Variants in GALNT13 observed in about 807,000 individuals in gnomAD.
GALNT13 encodes the protein UDP-GalNAc:polypeptide N-acetylgalactosaminyltransferase 13.
A neutral mutation model predicts 64.2 loss-of-function variants in GALNT13; 28 were observed. The ratio of observed to expected loss-of-function variants is 0.44; its 90% confidence interval spans 0.32 to 0.60. GALNT13 has a LOEUF of 0.60. GALNT13 is among the 20% of genes least tolerant of loss of function. The pLI is 0.05. For missense variants in GALNT13, 577 were observed against 669.8 expected, an observed-to-expected ratio of 0.86 and a Z score of 1.53; for synonymous variants, 214 against 224.6, an observed-to-expected ratio of 0.95 and a Z score of 0.42.
the GALNT13 span, among the ~76,000 whole-genome samples, chr2:153,620,091 C>T: frequency 6.6e-6 from 1 of 151,996 alleles, no homozygotes; most frequent in African/African-American, 2.4e-5. Context: ...CTTAGATTTT[C>T]CCTTTTGAGG....
chr2:153,508,261 C>T, the GALNT13 span, among the ~76,000 whole-genome samples: 2,951 of 152,218 alleles, frequency 0.019, 93 homozygotes, highest in African/African-American at 0.067. Flanking sequence ...GTGGGCAGGG[C>T]CATAGAGCTC....
chr2:153,564,073 C>A, the GALNT13 span, among the ~76,000 whole-genome samples: 1 of 151,932 alleles, frequency 6.6e-6, no homozygotes, highest in Non-Finnish European at 1.5e-5. Flanking sequence ...TCTACCCTAC[C>A]CTATCTTTGT....
the GALNT13 span, among the ~76,000 whole-genome samples, chr2:153,254,026 T>C: frequency 6.6e-6 from 1 of 152,222 alleles, no homozygotes; most frequent in South Asian, 2.1e-4. Context: ...TTGATTGGAA[T>C]AATTTCAGAA....
chr2:153,521,539 A>G, the GALNT13 span, among the ~76,000 whole-genome samples: 1,647 of 152,242 alleles, frequency 0.011, 26 homozygotes, highest in African/African-American at 0.037. Flanking sequence ...ACAATGACAC[A>G]TCATTATCAC....
the GALNT13 span, among the ~76,000 whole-genome samples, chr2:153,813,240 A>G: frequency 1.3e-5 from 2 of 152,212 alleles, no homozygotes; most frequent in African/African-American, 2.4e-5. Context: ...TTTGGGGAAG[A>G]GTGAACGAGT....
intron 2 of GALNT13, among the ~76,000 whole-genome samples, chr2:153,936,732 T>C (rs1208984430): frequency 6.6e-6 from 1 of 152,108 alleles, no homozygotes; most frequent in Non-Finnish European, 1.5e-5. Context: ...TTTAATTTTT[T>C]TTTTTTTTGA....
At chr2:153,606,350 T>C in the GALNT13 span, among the ~76,000 whole-genome samples, 2 of 152,092 alleles carry the variant, frequency 1.3e-5, no homozygotes, top group Non-Finnish European at 1.5e-5. Context: ...ATAGACTTCA[T>C]GAGAACTCTG....
At chr2:153,733,563 A>C in the GALNT13 span, among the ~76,000 whole-genome samples, 1 of 152,148 alleles carries the variant, frequency 6.6e-6, no homozygotes, top group Non-Finnish European at 1.5e-5. Flanking sequence ...TTTCATGATG[A>C]ACTCTCTATA....
intron 3 of GALNT13, among the ~76,000 whole-genome samples, chr2:154,117,769 G>A (rs1558967677): frequency 1.3e-5 from 2 of 152,136 alleles, no homozygotes; most frequent in Non-Finnish European, 2.9e-5. Flanking sequence ...ATGGTGCTGG[G>A]ATCAATGGCA....
chr2:154,429,470 T>A (rs888304235), intron 11 of GALNT13, among the ~76,000 whole-genome samples: 2 of 152,132 alleles, frequency 1.3e-5, no homozygotes, highest in Non-Finnish European at 2.9e-5. Flanking sequence ...GGGCCCTAAC[T>A]CTAATTCTAT....
At chr2:153,488,748 A>G in the GALNT13 span, among the ~76,000 whole-genome samples, 4 of 152,194 alleles carry the variant, frequency 2.6e-5, no homozygotes, top group East Asian at 1.9e-4. Context: ...GGAGCCTGCT[A>G]TGGTTTGACT....
the GALNT13 span, among the ~76,000 whole-genome samples, chr2:153,484,364 C>A: frequency 6.6e-6 from 1 of 152,054 alleles, no homozygotes; most frequent in Admixed American, 6.6e-5. Flanking sequence ...ATTTATTAAA[C>A]CATAACTGAG....
At chr2:153,248,965 G>GCACAAGAAAA in the GALNT13 span, among the ~76,000 whole-genome samples, 8 of 151,922 alleles carry the variant, frequency 5.3e-5, no homozygotes, top group African/African-American at 1.9e-4. Context: ...CTTGAAAACT[G>GCACAAGAAAA]GCACAAGACA....
chr2:154,427,759 C>T (rs891358758), intron 11 of GALNT13, among the ~76,000 whole-genome samples: 4 of 152,114 alleles, frequency 2.6e-5, no homozygotes, highest in Admixed American at 2.0e-4. Context: ...ACTTACTCCT[C>T]CTGACCCTCC....
the GALNT13 span, among the ~76,000 whole-genome samples, chr2:153,588,421 T>C: frequency 6.6e-6 from 1 of 152,178 alleles, no homozygotes; most frequent in Admixed American, 6.5e-5. Context: ...CCAGCAGAGA[T>C]TCCCAAACCC....
At chr2:153,313,761 A>T in the GALNT13 span, among the ~76,000 whole-genome samples, 29 of 152,214 alleles carry the variant, frequency 1.9e-4, no homozygotes, top group Admixed American at 1.5e-3. Flanking sequence ...TGGTAGCCCA[A>T]TTCAAGCAAA....
chr2:153,908,727 C>T (rs890977252), intron 2 of GALNT13, among the ~76,000 whole-genome samples: 7 of 151,956 alleles, frequency 4.6e-5, no homozygotes, highest in African/African-American at 1.7e-4. Context: ...ATTCTGGGCT[C>T]TCTATTCTAT....
chr2:154,169,516 A>G (rs575838121), intron 4 of GALNT13, among the ~76,000 whole-genome samples: 4 of 152,222 alleles, frequency 2.6e-5, no homozygotes, highest in South Asian at 4.2e-4. Context: ...TTCCAATCCT[A>G]TGGAGGGTTT....
chr2:154,323,354 C>T (rs750342085), intron 9 of GALNT13, among the ~76,000 whole-genome samples: 4 of 151,928 alleles, frequency 2.6e-5, no homozygotes, highest in Admixed American at 6.6e-5. Context: ...CACAGTTTTT[C>T]CCCCTAAACT....
Sources: allele counts gnomAD v4.1 joint callset (sites outside exome capture counted in the v4.1 genomes callset), GRCh38; gene constraint gnomAD v4.1.1; transcripts MANE v1.5; gene names NCBI Gene and HGNC (gene_info 2026-07-23, HGNC 2026-07-21).